SAMD4A: variants seen among roughly 807,000 people sequenced by gnomAD.
The protein encoded by SAMD4A is protein Smaug homolog 1.
SAMD4A carries 33 observed loss-of-function variants against 81.3 expected under a neutral mutation model. The observed-to-expected ratio is 0.41, with a 90% confidence interval of 0.31 to 0.54. The LOEUF is 0.54. Ranked by LOEUF, SAMD4A falls within the 20% of genes least tolerant of loss-of-function variation. SAMD4A has a pLI of 0.37. For synonymous variants in SAMD4A, 389 were observed against 382.1 expected (o/e 1.02, Z -0.21); for missense variants, 854 against 951.1 (o/e 0.90, Z 1.34).
At chr14:54,684,592 T>A (rs2140599331) in intron 2 of SAMD4A, among the ~76,000 whole-genome samples, 1 of 150,646 alleles carries the variant, frequency 6.6e-6, no homozygotes. Flanking sequence ...CTGCCCTGTT[T>A]CCATTGGCCA....
At chr14:54,639,831 C>CGT in intron 2 of SAMD4A, among the ~76,000 whole-genome samples, 1 of 150,860 alleles carries the variant, frequency 6.6e-6, no homozygotes, top group East Asian at 1.9e-4. Flanking sequence ...CACACACGTA[C>CGT]ACACCACTGT....
At chr14:54,771,062 C>T (rs909661897) in intron 9 of SAMD4A, among the ~76,000 whole-genome samples, 2 of 151,938 alleles carry the variant, frequency 1.3e-5, no homozygotes, top group African/African-American at 4.8e-5. Flanking sequence ...AAGCTCTCTG[C>T]CCGTGGTGTT....
intron 4 of SAMD4A, among the ~76,000 whole-genome samples, chr14:54,739,091 C>T (rs1231853359): frequency 8.8e-6 from 1 of 113,184 alleles, no homozygotes; most frequent in Non-Finnish European, 1.6e-5. Context: ...CTTATGCACA[C>T]TTTCAACATT....
chr14:54,776,445 A>C lies in SAMD4A; in HGVS notation c.1949A>C (p.Asn650Thr), dbSNP rs780765971. Residue 650 changes from asparagine to threonine, a missense_variant, in exon 11 of 13, where the codon AAT becomes ACT. Physicochemically the swap from Asn to Thr is moderately conservative, Grantham distance 65 (BLOSUM62 0). This residue lies in a region of SAMD4A where 428 missense variants were observed against 471.2 expected (regional missense o/e 0.91). Transcript: ENST00000554335. Reference protein sequence around the residue: ...NLWFANPGGSNSMPSRTHSSV... With the variant: ...NLWFANPGGSTSMPSRTHSSV... ...TGGTTTGCCAACCCCGGGGGCAGCA[A>C]TAGCATGCCAAGCCGCACCCACAGC... 1.9e-6 allele frequency: 3 copies of C among 1,594,256 alleles called. No individual in the cohort carries two copies. The Admixed American group carries it at 5.3e-5, about 28-fold the overall frequency.
At chr14:54,606,221 G>A (rs1293232740) in intron 2 of SAMD4A, among the ~76,000 whole-genome samples, 2 of 151,956 alleles carry the variant, frequency 1.3e-5, no homozygotes, top group African/African-American at 4.8e-5. Context: ...GTGCGTGCAC[G>A]TGCACGTGCA....
intron 2 of SAMD4A, among the ~76,000 whole-genome samples, chr14:54,695,173 T>C (rs551452475): frequency 1.3e-5 from 2 of 152,258 alleles, no homozygotes; most frequent in Non-Finnish European, 2.9e-5. Context: ...TCATTAACTA[T>C]TGCTGTGTAA....
chr14:54,753,561 CTT>C (rs1210404570), intron 6 of SAMD4A, among the ~76,000 whole-genome samples: 2 of 152,298 alleles, frequency 1.3e-5, no homozygotes, highest in East Asian at 3.9e-4. Context: ...AATGGAGTCT[CTT>C]ATGTCTTTCC....
At chr14:54,619,918 A>C (rs1282447196) in intron 2 of SAMD4A, among the ~76,000 whole-genome samples, 4 of 152,084 alleles carry the variant, frequency 2.6e-5, no homozygotes, top group African/African-American at 9.7e-5. Flanking sequence ...TAAGTCAGTT[A>C]ATTTTTTAAA....
intron 2 of SAMD4A, among the ~76,000 whole-genome samples, chr14:54,687,606 AAG>A (rs879761277): frequency 0.34 from 51,283 of 151,756 alleles, 10,078 homozygotes; most frequent in Non-Finnish European, 0.44. Flanking sequence ...TTAGGAATAG[AAG>A]GTGTGTGGAA....
rs1038163653 is a variant in SAMD4A at position 54,624,776 on chromosome 14, A to AT, written c.196+56675dup. On this transcript the variant is annotated intron_variant, in intron 2 of 12. Transcript: ENST00000554335. Reference sequence around the variant, plus strand: ...ATAAAGGGCAACCTGGGGAGAAGAGATTTTTTTTTTTGTTGTTTGGAGGTA... The same window carrying AT: ...ATAAAGGGCAACCTGGGGAGAAGAGATTTTTTTTTTTTGTTGTTTGGAGGTA... Among the ~76,000 whole-genome samples, 1,211 of 145,386 alleles carry AT rather than the reference A, an allele frequency of 8.3e-3. 12 individuals are homozygous for AT. The highest frequency in any genetic ancestry group is 0.031 in the East Asian group (157 of 5,080).
At chr14:54,709,002 G>A (rs146448381) in intron 3 of SAMD4A, among the ~76,000 whole-genome samples, 4 of 152,264 alleles carry the variant, frequency 2.6e-5, no homozygotes, top group East Asian at 3.9e-4. Context: ...GATAGAGGCC[G>A]GATGCAGTGG....
chr14:54,646,481 C>T (rs78909345), intron 2 of SAMD4A, among the ~76,000 whole-genome samples: 1 of 152,248 alleles, frequency 6.6e-6, no homozygotes, highest in Non-Finnish European at 1.5e-5. Flanking sequence ...CAAGTTCCCA[C>T]GTGATACTGC....
At chr14:54,688,721 A>C (rs1056700365) in intron 2 of SAMD4A, among the ~76,000 whole-genome samples, 1 of 152,226 alleles carries the variant, frequency 6.6e-6, no homozygotes, top group Admixed American at 6.5e-5. Context: ...CACTCTTTCA[A>C]CTGCTTCCTC....
At chr14:54,674,442 T>G (rs1433607744) in intron 2 of SAMD4A, among the ~76,000 whole-genome samples, 4 of 152,368 alleles carry the variant, frequency 2.6e-5, no homozygotes, top group East Asian at 3.9e-4. Flanking sequence ...CAATGGATAA[T>G]TGATTCTGTT....
At chr14:54,575,347 G>T (rs1382723619) in intron 2 of SAMD4A, among the ~76,000 whole-genome samples, 1 of 152,146 alleles carries the variant, frequency 6.6e-6, no homozygotes, top group Non-Finnish European at 1.5e-5. Flanking sequence ...CTTAGGGCTG[G>T]GTTTTAAACT....
intron 2 of SAMD4A, among the ~76,000 whole-genome samples, chr14:54,686,559 G>GA (rs397780447): frequency 0.45 from 64,426 of 144,470 alleles, 14,425 homozygotes; most frequent in Middle Eastern, 0.62. Context: ...TGGCTAACCA[G>GA]AAAAAAAAAA....
At chr14:54,603,308 TTA>T (rs2034110638) in intron 2 of SAMD4A, among the ~76,000 whole-genome samples, 1 of 152,264 alleles carries the variant, frequency 6.6e-6, no homozygotes. Flanking sequence ...CCCATTTTAT[TTA>T]TATCTTACTT....
At chr14:54,579,943 C>A (rs927822171) in intron 2 of SAMD4A, among the ~76,000 whole-genome samples, 15 of 152,140 alleles carry the variant, frequency 9.9e-5, no homozygotes, top group Admixed American at 9.8e-4. Flanking sequence ...ATGAGCTCTC[C>A]TGTTGTTTGT....
chr14:54,691,099 G>A (rs563252279), intron 2 of SAMD4A, among the ~76,000 whole-genome samples: 17 of 152,310 alleles, frequency 1.1e-4, no homozygotes, highest in African/African-American at 4.1e-4. Context: ...CTGTAGACAA[G>A]GTTCTCAACT....
Sources: gnomAD v4.1 joint callset for allele counts (sites outside exome capture counted in the v4.1 genomes callset) on GRCh38, gnomAD v4.1.1 for gene constraint, gnomAD v4.1.1 regional missense constraint, MANE v1.5 for transcripts, NCBI Gene and HGNC (gene_info 2026-07-23, HGNC 2026-07-21) for gene names.